The following BPNT2 variants were observed in gnomAD, a reference collection of about 807,000 sequenced individuals.
BPNT2 encodes 3'(2'), 5'-bisphosphate nucleotidase 2.
A neutral mutation model predicts 29.3 loss-of-function variants in BPNT2; 11 were observed. That is an observed-to-expected ratio of 0.38 (90% confidence interval 0.24 to 0.62). The LOEUF (loss-of-function observed/expected upper bound fraction) is 0.62. Among genes scored for constraint, BPNT2 ranks in the 20% least tolerant of loss-of-function variants. The probability of loss-of-function intolerance (pLI) is 0.62; values close to 1 mark genes in which losing one functional copy is unlikely to be tolerated. For synonymous variants in BPNT2, 195 were observed against 187.7 expected, an observed-to-expected ratio of 1.04 and a Z score of -0.32; for missense variants, 459 against 473.4, an observed-to-expected ratio of 0.97 and a Z score of 0.28.
chr8:56,982,160 T>G (rs1477291368), intron 1 of BPNT2, among the ~76,000 whole-genome samples: 1 of 151,432 alleles, frequency 6.6e-6, no homozygotes, highest in Non-Finnish European at 1.5e-5. Flanking sequence ...AGTCTCGCTC[T>G]GTCACCAGGT....
intron 1 of BPNT2, among the ~76,000 whole-genome samples, chr8:56,985,136 C>G (rs1188818584): frequency 6.6e-6 from 1 of 151,974 alleles, no homozygotes; most frequent in African/African-American, 2.4e-5. Context: ...AAGCCCTTAT[C>G]AGAAACCACG....
rs1805766473 is a variant in BPNT2 at position 56,958,060 on chromosome 8, G to A, written c.*5733C>T. On this transcript the variant is annotated 3_prime_UTR_variant, in exon 5 of 5. Transcript: ENST00000262644. The stretch of plus-strand genomic sequence containing the variant: ...TATCTACAGCAAATTGCCTGGGGTA[G>A]TATCTGAAGGAAAGGCAAAACTTTT... 6.6e-6 allele frequency: 1 copy of A among 152,070 alleles called. No homozygotes were observed. The highest frequency in any genetic ancestry group is 2.4e-5 in the African/African-American group (1 of 41,396). The allele number at this position is 152,070 out of a possible 1,614,324, so 9.4% of individuals were successfully genotyped here. A position where few individuals can be genotyped will look rare whatever the true frequency, so the allele number is the denominator to read the frequency against.
chr8:56,979,608 T>C (rs1452645056), intron 2 of BPNT2, among the ~76,000 whole-genome samples: 1 of 152,058 alleles, frequency 6.6e-6, no homozygotes, highest in Non-Finnish European at 1.5e-5. Context: ...AACTGTAACA[T>C]ATAAACCAAA....
chr8:56,976,307 T>C (rs923596610), intron 3 of BPNT2, among the ~76,000 whole-genome samples: 3 of 152,200 alleles, frequency 2.0e-5, no homozygotes, highest in Non-Finnish European at 4.4e-5. Flanking sequence ...GCTGCTTATA[T>C]ACTGTCTGTT....
At chr8:56,981,687 C>G (rs895188323) in intron 1 of BPNT2, among the ~76,000 whole-genome samples, 4 of 152,174 alleles carry the variant, frequency 2.6e-5, no homozygotes, top group African/African-American at 4.8e-5. Context: ...AAGTTAATAA[C>G]AGATCATCAA....
chr8:56,967,782 TA>T (rs1450590647), intron 3 of BPNT2, among the ~76,000 whole-genome samples: 2 of 152,038 alleles, frequency 1.3e-5, no homozygotes, highest in Non-Finnish European at 2.9e-5. Context: ...GAGATTAAGA[TA>T]GGGGCTTTAT....
Position 56,993,448 on chromosome 8 carries a change from G to A in BPNT2, c.138C>T (p.Gly46=), listed in dbSNP as rs1806454194. The change falls in exon 1 of 5, where the codon GGC becomes GGT. Residue 46 remains glycine (G), a synonymous_variant. Transcript: ENST00000262644. The part of the protein sequence containing the change: ...FSLFGLGGEP[G]GGAAGPAAAA... The stretch of plus-strand genomic sequence containing the variant: ...CGGCCGCGGGCCCCGCCGCGCCGCC[G>A]CCAGGCTCGCCGCCCAGGCCGAAGA... 1.4e-6 allele frequency: 2 copies of A among 1,473,936 alleles called. No homozygotes were observed. The highest frequency in any genetic ancestry group is 1.4e-5 in the South Asian group (1 of 73,238). 91.3% of individuals were successfully genotyped at this position (1,473,936 alleles called of 1,614,324 possible).
Position 56,980,033 on chromosome 8 carries a change from A to C in BPNT2, c.550+2T>G. 1 of 1,613,604 alleles carries C rather than the reference A, an allele frequency of 6.2e-7. No homozygotes were observed. Among genetic ancestry groups the C allele is most frequent in the Non-Finnish European group, 8.5e-7 (1 of 1,179,746 alleles). Reference sequence around the variant, plus strand: ...ATGTTTTGAGTTCAGTTTAAAAATTACCTGTATATTCCTGTGTAGCATCAA... The same window carrying C: ...ATGTTTTGAGTTCAGTTTAAAAATTCCCTGTATATTCCTGTGTAGCATCAA... On this transcript the variant is annotated splice_donor_variant, in intron 2 of 4. Transcript: ENST00000262644. LOFTEE classifies it high-confidence loss of function.
intron 2 of BPNT2, among the ~76,000 whole-genome samples, chr8:56,978,713 A>G (rs1806188358): frequency 3.3e-5 from 5 of 152,126 alleles, no homozygotes; most frequent in Admixed American, 3.3e-4. Context: ...CTATGCAGCC[A>G]TAAAAAAGAA....
At chr8:56,984,167 C>T (rs1198489604) in intron 1 of BPNT2, among the ~76,000 whole-genome samples, 1 of 152,172 alleles carries the variant, frequency 6.6e-6, no homozygotes, top group Non-Finnish European at 1.5e-5. Flanking sequence ...TTCAAGTCAG[C>T]TTCTCCATGT....
intron 3 of BPNT2, among the ~76,000 whole-genome samples, chr8:56,970,568 T>C (rs1806014216): frequency 6.6e-6 from 1 of 152,222 alleles, no homozygotes; most frequent in Non-Finnish European, 1.5e-5. Flanking sequence ...TGACTGGATC[T>C]TGGTTTGAAG....
intron 3 of BPNT2, among the ~76,000 whole-genome samples, chr8:56,966,595 G>A (rs1361907541): frequency 1.3e-5 from 2 of 151,968 alleles, no homozygotes; most frequent in East Asian, 1.9e-4. Flanking sequence ...CATAACCAAA[G>A]ACAACGACTA....
rs1316523281 is a variant in BPNT2, at chr8:56,962,327, AC to A, written c.*1465del. 6.6e-6 allele frequency: 1 copy of A among 152,254 alleles called. No individual in the cohort carries two copies. Among genetic ancestry groups the A allele is most frequent in the African/African-American group, 2.4e-5 (1 of 41,476 alleles). 9.4% of individuals were successfully genotyped at this position (152,254 alleles called of 1,614,324 possible). On this transcript the variant is annotated 3_prime_UTR_variant, in exon 5 of 5. Coordinates refer to ENST00000262644, the MANE Select transcript of BPNT2 (RefSeq NM_017813.5). ...AGTATGCACATTCCACCAGGCTAGA[AC>A]GTACATTCTTTGGTCAATTTTACTT...
chr8:56,990,409 G>C (rs1453437630), intron 1 of BPNT2, among the ~76,000 whole-genome samples: 4 of 152,170 alleles, frequency 2.6e-5, no homozygotes, highest in Non-Finnish European at 4.4e-5. Context: ...CAAATGGCTG[G>C]AGTTACTATT....
rs375321085 is a variant in BPNT2 at position 56,966,276 on chromosome 8, C to T, written c.723G>A (p.Val241=). The change falls in exon 4 of 5, where the codon GTG becomes GTA. Residue 241 remains valine, a synonymous_variant. Coordinates refer to ENST00000262644, the MANE Select transcript of BPNT2 (RefSeq NM_017813.5). ...TGACCATCCCTGAATGGGAACGAGA[C>T]ACAACGATCCTTGGGGTCTTCTCAT... The part of the protein sequence containing the change: ...SYNEKTPRIV[V]SRSHSGMVKQ... 13 of 1,613,806 alleles carry T rather than the reference C, an allele frequency of 8.1e-6. No homozygotes were observed. Among genetic ancestry groups the T allele is most frequent in the South Asian group, 3.3e-5 (3 of 91,074 alleles).
intron 1 of BPNT2, 32 bp from the exon 2 acceptor site, chr8:56,980,229 G>GT: frequency 6.4e-6 from 10 of 1,571,930 alleles, no homozygotes; most frequent in Non-Finnish European, 7.9e-6. Context: ...GTTAAAAAAA[G>GT]TAAGACGAAC....
At chr8:56,970,475 T>C (rs1806012466) in intron 3 of BPNT2, among the ~76,000 whole-genome samples, 2 of 152,212 alleles carry the variant, frequency 1.3e-5, no homozygotes, top group South Asian at 2.1e-4. Context: ...AACATCAATG[T>C]CATGGGGGGC....
chr8:56,966,627 T>C (rs1805958318), intron 3 of BPNT2, among the ~76,000 whole-genome samples: 1 of 152,192 alleles, frequency 6.6e-6, no homozygotes, highest in Non-Finnish European at 1.5e-5. Flanking sequence ...GCTTAAGGAT[T>C]CCCATGCTCC....
At chr8:56,984,079 T>C (rs1361151808) in intron 1 of BPNT2, among the ~76,000 whole-genome samples, 1 of 152,190 alleles carries the variant, frequency 6.6e-6, no homozygotes, top group Non-Finnish European at 1.5e-5. Context: ...AAGTAGCTTA[T>C]GGGCCTTAAC....
Sources: gnomAD v4.1 joint callset for allele counts (sites outside exome capture counted in the v4.1 genomes callset) on GRCh38, gnomAD v4.1.1 for gene constraint, MANE v1.5 for transcripts, NCBI Gene and HGNC (gene_info 2026-07-23, HGNC 2026-07-21) for gene names.